Variants in UGT3A2 observed in about 807,000 individuals in gnomAD.
The protein encoded by UGT3A2 is UDP glycosyltransferase family 3 member A2, also known as UDP-glycosyltransferase 3A2.
Under a neutral mutation model 39.8 loss-of-function variants are expected in UGT3A2, and 32 were observed. The ratio of observed to expected loss-of-function variants is 0.80; its 90% CI spans 0.61 to 1.08. UGT3A2 has a LOEUF of 1.08. Among genes scored for constraint, UGT3A2 ranks in the 50% least tolerant of loss-of-function variants. The pLI is 0.00. For missense variants in UGT3A2, 611 were observed against 637.1 expected (o/e 0.96, Z 0.44); for synonymous variants, 241 against 230.7 (o/e 1.04, Z -0.40).
chr5:36,039,355 C>G, intron 5 of UGT3A2, 122 bp downstream of exon 5: 2 of 927,282 alleles, frequency 2.2e-6, no homozygotes, highest in Non-Finnish European at 3.3e-6. Context: ...TACTTTTCTG[C>G]CCACTGAGCC....
At chr5:36,043,554 TA>T (rs908250208) in intron 4 of UGT3A2, among the ~76,000 whole-genome samples, 1 of 150,656 alleles carries the variant, frequency 6.6e-6, no homozygotes, top group Non-Finnish European at 1.5e-5. Flanking sequence ...ATTTAAAATT[TA>T]AAAAAAAGAT....
chr5:36,041,873 C>T (rs1295101768), intron 4 of UGT3A2, among the ~76,000 whole-genome samples: 1 of 152,030 alleles, frequency 6.6e-6, no homozygotes. Context: ...GCATCAAGAC[C>T]ATCCAGGAAA....
chr5:36,042,721 AAAG>A (rs1406826620), intron 4 of UGT3A2, among the ~76,000 whole-genome samples: 3 of 152,166 alleles, frequency 2.0e-5, no homozygotes, highest in Admixed American at 6.5e-5. Context: ...AACCAAGAAA[AAAG>A]AAGGAGTAGC....
Position 36,048,910 on chromosome 5 carries a change from T to G in UGT3A2, c.822A>C (p.Lys274Asn). The G allele has an allele frequency of 6.2e-7, 1 of 1,613,830 alleles. No individual in the cohort carries two copies. Among genetic ancestry groups the G allele is most frequent in the Non-Finnish European group, 8.5e-7 (1 of 1,179,880 alleles). Residue 274 changes from lysine to asparagine, a missense_variant, in exon 4 of 7, where the codon AAA (lysine) becomes AAC (asparagine). Transcript: ENST00000282507. ...TTACTTGTGGTACTGGTTTAATAGG[T>G]TTTTCCATCAAGCCTCCAACATAAA... ...NTVYVGGLME[K>N]PIKPVPQDLE...
chr5:36,045,099 G>A (rs920135620), intron 4 of UGT3A2, among the ~76,000 whole-genome samples: 1 of 152,074 alleles, frequency 6.6e-6, no homozygotes. Flanking sequence ...CAAGACTATA[G>A]TAACCAAAAC....
chr5:36,036,664 GA>G (rs1165076668), intron 6 of UGT3A2, among the ~76,000 whole-genome samples: 5 of 152,200 alleles, frequency 3.3e-5, no homozygotes, highest in African/African-American at 9.7e-5. Context: ...TGCAATACAT[GA>G]AATTGCAAAT....
chr5:36,058,591 G>A (rs1201314616), intron 2 of UGT3A2, among the ~76,000 whole-genome samples: 4 of 152,028 alleles, frequency 2.6e-5, no homozygotes, highest in Non-Finnish European at 5.9e-5. Context: ...GTAATAATAT[G>A]AACCTGTGAT....
intron 2 of UGT3A2, among the ~76,000 whole-genome samples, chr5:36,061,831 G>A (rs922209265): frequency 7.2e-5 from 11 of 151,996 alleles, no homozygotes; most frequent in Admixed American, 2.0e-4. Context: ...CTTCCACAGT[G>A]GTTGAACTAG....
chr5:36,045,052 C>T (rs1251460335), intron 4 of UGT3A2, among the ~76,000 whole-genome samples: 1 of 152,092 alleles, frequency 6.6e-6, no homozygotes, highest in Non-Finnish European at 1.5e-5. Context: ...AAGAACAAAA[C>T]TGGAAGAATC....
At chr5:36,047,974 A>G (rs1486163280) in intron 4 of UGT3A2, among the ~76,000 whole-genome samples, 2 of 152,150 alleles carry the variant, frequency 1.3e-5, no homozygotes, top group African/African-American at 4.8e-5. Context: ...TGCAAAGCCC[A>G]TATCACCCAT....
chr5:36,038,089 A>G (rs1028156892), intron 5 of UGT3A2, 73 bp from the exon 6 acceptor site: 1 of 1,475,286 alleles, frequency 6.8e-7, no homozygotes, highest in Admixed American at 2.3e-5. Context: ...GATGAAGGGG[A>G]TAAGAAAGTG....
intron 3 of UGT3A2, among the ~76,000 whole-genome samples, chr5:36,050,559 C>T (rs1307766119): frequency 1.3e-5 from 2 of 152,152 alleles, no homozygotes; most frequent in East Asian, 1.9e-4. Flanking sequence ...AGTTGCCAAA[C>T]GTTTTTGAAA....
At chr5:36,036,437 G>A (rs1248059757) in intron 6 of UGT3A2, among the ~76,000 whole-genome samples, 2 of 152,178 alleles carry the variant, frequency 1.3e-5, no homozygotes, top group Admixed American at 6.5e-5. Context: ...CACATAATTA[G>A]TAGCATCCTG....
intron 2 of UGT3A2, among the ~76,000 whole-genome samples, chr5:36,054,525 A>T (rs1280806095): frequency 6.6e-6 from 1 of 152,186 alleles, no homozygotes; most frequent in East Asian, 1.9e-4. Context: ...AATAATCTAC[A>T]TCAAGTGTGG....
At chr5:36,037,248 A>G (rs1460634665) in intron 6 of UGT3A2, among the ~76,000 whole-genome samples, 1 of 152,220 alleles carries the variant, frequency 6.6e-6, no homozygotes, top group East Asian at 1.9e-4. Flanking sequence ...AAACACATAA[A>G]TAAATGAGGT....
In UGT3A2 at chr5:36,051,877, C is replaced by A. The variant is rs752144072; in HGVS notation, c.304G>T (p.Gly102Cys). 3 of 1,582,484 alleles carry A rather than the reference C, an allele frequency of 1.9e-6. No homozygotes were observed. In the African/African-American group the frequency reaches 4.1e-5, roughly 22 times the overall value. ...GAATAAAAAAACAATTACCTGCCAC[C>A]TAAAGTTTCTTCCAGAAAGAAATCA... ...SFDFFLEETL[G>C]GRGKFENLLN... The change falls in exon 3 of 7, where the codon GGT (glycine) becomes TGT (cysteine). Residue 102 changes from glycine to cysteine, a missense_variant. By Grantham distance (159) the Gly-to-Cys change is radical. Coordinates refer to ENST00000282507, the MANE Select transcript of UGT3A2 (RefSeq NM_174914.4).
intron 4 of UGT3A2, among the ~76,000 whole-genome samples, chr5:36,042,563 C>G (rs1742043432): frequency 6.6e-6 from 1 of 151,882 alleles, no homozygotes; most frequent in Admixed American, 6.6e-5. Flanking sequence ...TGAATGTAAA[C>G]AGACTAAACT....
intron 2 of UGT3A2, among the ~76,000 whole-genome samples, chr5:36,058,764 G>A (rs1367271879): frequency 6.7e-6 from 1 of 149,046 alleles, no homozygotes; most frequent in African/African-American, 2.6e-5. Context: ...TTTTGTCTTA[G>A]GTTTTCATTT....
At chr5:36,065,127 A>G (rs6896576) in intron 1 of UGT3A2, among the ~76,000 whole-genome samples, 7,540 of 152,192 alleles carry the variant, frequency 0.05, 675 homozygotes, top group African/African-American at 0.17. Context: ...ATGTCTTCTC[A>G]GTACATGTTC....
Sources: gnomAD v4.1 joint callset for allele counts (sites outside exome capture counted in the v4.1 genomes callset) on GRCh38, gnomAD v4.1.1 for gene constraint, MANE v1.5 for transcripts, NCBI Gene and HGNC (gene_info 2026-07-23, HGNC 2026-07-21) for gene names.